Variants in UBAP2 observed in about 807,000 individuals in gnomAD.
The protein encoded by UBAP2 is ubiquitin-associated protein 2.
In UBAP2, 75 loss-of-function variants were observed where a neutral mutation model predicts 139.6. The ratio of observed to expected loss-of-function variants is 0.54; its 90% CI spans 0.45 to 0.65. UBAP2 has a LOEUF of 0.65. Ranked by LOEUF, UBAP2 falls within the 30% of genes least tolerant of loss-of-function variation. The pLI is 0.00. For synonymous variants in UBAP2, 526 were observed against 526.2 expected (o/e 1.00, Z 0.01); for missense variants, 1,368 against 1,369.6 (o/e 1.00, Z 0.02).
At chr9:33,932,341 G>C (rs1201566004) in intron 19 of UBAP2, among the ~76,000 whole-genome samples, 1 of 152,298 alleles carries the variant, frequency 6.6e-6, no homozygotes, top group Non-Finnish European at 1.5e-5. Context: ...AAGGTCTGGA[G>C]CAATGATTCT....
At chr9:33,970,412 T>C (rs980325092) in intron 8 of UBAP2, among the ~76,000 whole-genome samples, 1 of 151,986 alleles carries the variant, frequency 6.6e-6, no homozygotes, top group African/African-American at 2.4e-5. Context: ...CTAGGGTTGA[T>C]GTTATATGGA....
At position 33,927,007 on chromosome 9, in the gene UBAP2, T is replaced by C; in HGVS notation, c.2445A>G (p.Gly815=). The C allele has an allele frequency of 4.3e-6, 7 of 1,613,978 alleles. No homozygotes were observed. The highest frequency in any genetic ancestry group is 5.9e-6 in the Non-Finnish European group (7 of 1,179,986). The stretch of plus-strand genomic sequence containing the variant: ...CACTCACCGGGTAGGCAGGAAGCAG[T>C]CCTCCGGGACCTACGAGGTACTGGT... ...LHNQYLVGPG[G]LLPAYPIYGY... The change falls in exon 21 of 29, where the codon GGA becomes GGG. Residue 815 remains glycine, a synonymous_variant. Coordinates refer to ENST00000379238, the MANE Select transcript of UBAP2 (RefSeq NM_001370062.2).
chr9:33,959,798 A>G (rs2131003557), intron 10 of UBAP2, among the ~76,000 whole-genome samples: 1 of 152,324 alleles, frequency 6.6e-6, no homozygotes, highest in African/African-American at 2.4e-5. Context: ...ACTGTGATCC[A>G]AAATACAGAC....
Position 33,932,646 on chromosome 9 carries a change from GCGCCGTATGTCCA to G in UBAP2, c.2109-31_2109-19del. The G allele has an allele frequency of 6.2e-7, 1 of 1,613,496 alleles. No individual in the cohort carries two copies. ...AGAGCGAACTAGAAGACAAAACAGA[GCGCCGTATGTCCA>G]CCTGAACAAGTGACTCCAGATGAAC... is the stretch of plus-strand genomic sequence containing the variant. On this transcript the variant is annotated intron_variant, in intron 18 of 28. Transcript: ENST00000379238.
At chr9:34,041,298 CAAAAAAA>C (rs34270173) in intron 1 of UBAP2, among the ~76,000 whole-genome samples, 1 of 134,204 alleles carries the variant, frequency 7.5e-6, no homozygotes, top group Non-Finnish European at 1.6e-5. Flanking sequence ...ACTAAAAATG[CAAAAAAA>C]AAAAAAAAAA....
At chr9:33,927,729 C>T in intron 20 of UBAP2, 68 bp downstream of exon 20, 1 of 1,512,378 alleles carries the variant, frequency 6.6e-7, no homozygotes, top group Non-Finnish European at 8.8e-7. Context: ...GCACTGCCTT[C>T]CTGGGACGCC....
intron 1 of UBAP2, among the ~76,000 whole-genome samples, chr9:34,018,247 A>G (rs1341005046): frequency 7.4e-6 from 1 of 135,022 alleles, no homozygotes; most frequent in Non-Finnish European, 1.6e-5. Context: ...TTTTTTTTTT[A>G]GACAGAAGAG....
intron 8 of UBAP2, among the ~76,000 whole-genome samples, chr9:33,968,986 A>G (rs1827684150): frequency 6.6e-6 from 1 of 152,236 alleles, no homozygotes; most frequent in Non-Finnish European, 1.5e-5. Flanking sequence ...AGGTTCATCC[A>G]TGTTGTAGCA....
intron 16 of UBAP2, among the ~76,000 whole-genome samples, chr9:33,940,031 G>A (rs1251645283): frequency 6.8e-6 from 1 of 147,026 alleles, no homozygotes; most frequent in Non-Finnish European, 1.5e-5. Flanking sequence ...GGAGAGGAGG[G>A]AGAGGGAAGA....
At chr9:33,962,696 G>A (rs534686480) in intron 9 of UBAP2, among the ~76,000 whole-genome samples, 1 of 136,988 alleles carries the variant, frequency 7.3e-6, no homozygotes, top group East Asian at 2.2e-4. Context: ...AAAAAATAGG[G>A]CCTGGAGCAG....
At chr9:33,960,900 C>T in intron 9 of UBAP2, 22 bp from the exon 10 acceptor site, 1 of 1,612,912 alleles carries the variant, frequency 6.2e-7, no homozygotes. Flanking sequence ...CAACAGCAAT[C>T]AAAGTTTATA....
At chr9:34,022,168 C>T (rs1825005008) in intron 1 of UBAP2, among the ~76,000 whole-genome samples, 1 of 151,996 alleles carries the variant, frequency 6.6e-6, no homozygotes, top group Non-Finnish European at 1.5e-5. Context: ...TCGCTTGAAG[C>T]CAGGAGGAGG....
rs183056802 is a variant in UBAP2, at chr9:33,999,984, G to C, written c.100-1120C>G. Among the ~76,000 whole-genome samples the C allele has an allele frequency of 3.3e-5, 5 of 151,984 alleles. No individual in the cohort carries two copies. The South Asian group carries it at 1.0e-3, about 32-fold the overall frequency. ...TTATTTTGAGATGGAGTCTCACTCTGTCGCCCAGGCTGGAGTGCACTGGCA... is the reference window on the plus strand; with the variant it reads ...TTATTTTGAGATGGAGTCTCACTCTCTCGCCCAGGCTGGAGTGCACTGGCA... On this transcript the variant is annotated intron_variant, in intron 2 of 28. Transcript: ENST00000379238.
At chr9:33,942,130 G>A (rs1253755400) in intron 15 of UBAP2, among the ~76,000 whole-genome samples, 1 of 151,680 alleles carries the variant, frequency 6.6e-6, no homozygotes, top group African/African-American at 2.4e-5. Flanking sequence ...TTGCCAACAT[G>A]GTGAAACCCC....
At chr9:33,969,706 A>T (rs1174995552) in intron 8 of UBAP2, among the ~76,000 whole-genome samples, 1 of 151,788 alleles carries the variant, frequency 6.6e-6, no homozygotes, top group Admixed American at 6.6e-5. Flanking sequence ...GCCACTAAAA[A>T]TACGAAAAAG....
chr9:34,042,407 G>A (rs948173063), intron 1 of UBAP2, among the ~76,000 whole-genome samples: 1 of 151,008 alleles, frequency 6.6e-6, no homozygotes, highest in Non-Finnish European at 1.5e-5. Flanking sequence ...GAACTTGGGA[G>A]GTGGAGGTTG....
At chr9:33,968,786 C>T (rs1201769370) in intron 8 of UBAP2, among the ~76,000 whole-genome samples, 5 of 152,154 alleles carry the variant, frequency 3.3e-5, no homozygotes, top group Non-Finnish European at 5.9e-5. Context: ...AATTCTAGAA[C>T]ATTTTCATCA....
intron 5 of UBAP2, among the ~76,000 whole-genome samples, chr9:33,988,718 C>T (rs556206359): frequency 3.8e-4 from 58 of 152,258 alleles, no homozygotes; most frequent in African/African-American, 1.3e-3. Context: ...ACATGGGAGG[C>T]GCTTATGAAA....
At chr9:33,924,039 C>T (rs752048553) in intron 23 of UBAP2, 39 bp from the exon 24 acceptor site, 2 of 1,609,296 alleles carry the variant, frequency 1.2e-6, no homozygotes, top group Non-Finnish European at 1.7e-6. Flanking sequence ...GCCCTTCCTC[C>T]AACCAGAGAA....
Sources: allele counts gnomAD v4.1 joint callset (sites outside exome capture counted in the v4.1 genomes callset), GRCh38; gene constraint gnomAD v4.1.1; transcripts MANE v1.5; gene names NCBI Gene and HGNC (gene_info 2026-07-23, HGNC 2026-07-21).